The following CCSER1 variants were observed in gnomAD, a reference collection of about 807,000 sequenced individuals.
CCSER1 encodes serine-rich coiled-coil domain-containing protein 1.
CCSER1 carries 41 observed loss-of-function variants against 82.0 expected under a neutral mutation model. The ratio of observed to expected loss-of-function variants is 0.50; its 90% CI spans 0.39 to 0.65. CCSER1 has a LOEUF of 0.65. CCSER1 is among the 30% of genes least tolerant of loss of function. The pLI is 0.00. For missense variants in CCSER1, 1,119 were observed against 1,064.2 expected, an observed-to-expected ratio of 1.05 and a Z score of -0.72; for synonymous variants, 414 against 383.9, an observed-to-expected ratio of 1.08 and a Z score of -0.92.
intron 10 of CCSER1, among the ~76,000 whole-genome samples, chr4:91,095,851 G>A (rs1724457086): frequency 1.3e-5 from 2 of 151,892 alleles, no homozygotes; most frequent in African/African-American, 4.8e-5. Flanking sequence ...TCTGTTCCTG[G>A]CAGAACAATT....
At chr4:91,206,778 T>G (rs1415011898) in intron 10 of CCSER1, among the ~76,000 whole-genome samples, 1 of 151,978 alleles carries the variant, frequency 6.6e-6, no homozygotes, top group South Asian at 2.1e-4. Flanking sequence ...CTGTCCTGTT[T>G]CACAAGAGAT....
intron 3 of CCSER1, among the ~76,000 whole-genome samples, chr4:90,391,467 T>TACACACACACACAGTGGGTAA (rs1751073184): frequency 2.2e-5 from 2 of 89,860 alleles, no homozygotes; most frequent in African/African-American, 1.3e-4. Context: ...TATATATATA[T>TACACACACACACAGTGGGTAA]ATATATATAT....
At chr4:91,411,383 G>C (rs1753009189) in intron 10 of CCSER1, among the ~76,000 whole-genome samples, 1 of 149,934 alleles carries the variant, frequency 6.7e-6, no homozygotes, top group Admixed American at 6.7e-5. Flanking sequence ...CTGTTGCTCA[G>C]TATTTCTAAC....
At chr4:90,583,125 C>T (rs1385825027) in intron 5 of CCSER1, among the ~76,000 whole-genome samples, 1 of 152,034 alleles carries the variant, frequency 6.6e-6, no homozygotes, top group Non-Finnish European at 1.5e-5. Context: ...TTTGTGAGTC[C>T]GTTAATTATA....
At chr4:90,595,333 C>T (rs1209427329) in intron 5 of CCSER1, among the ~76,000 whole-genome samples, 2 of 151,818 alleles carry the variant, frequency 1.3e-5, no homozygotes, top group Admixed American at 6.6e-5. Context: ...CTAATAAGAA[C>T]GTTTAGTGTT....
chr4:90,844,284 C>T (rs1299368621), intron 8 of CCSER1, among the ~76,000 whole-genome samples: 18 of 151,974 alleles, frequency 1.2e-4, no homozygotes, highest in Admixed American at 1.2e-3. Flanking sequence ...CTTCAGAGTT[C>T]TTAAATTATA....
chr4:90,481,279 A>G (rs1180423006), intron 5 of CCSER1, among the ~76,000 whole-genome samples: 3 of 152,256 alleles, frequency 2.0e-5, no homozygotes, highest in East Asian at 3.9e-4. Context: ...GGCTGAGACA[A>G]TGGGGTTTTC....
chr4:91,539,069 GC>G (rs1761453370), intron 10 of CCSER1, among the ~76,000 whole-genome samples: 1 of 151,814 alleles, frequency 6.6e-6, no homozygotes, highest in Non-Finnish European at 1.5e-5. Flanking sequence ...TCTCACTTTT[GC>G]CTTCTCTAGA....
chr4:91,074,862 A>G (rs538763895), intron 9 of CCSER1, among the ~76,000 whole-genome samples: 2 of 152,324 alleles, frequency 1.3e-5, no homozygotes, highest in East Asian at 1.9e-4. Context: ...AAAAACTGTC[A>G]CAACGAAATC....
chr4:91,147,364 C>A (rs1406365583), intron 10 of CCSER1, among the ~76,000 whole-genome samples: 2 of 152,218 alleles, frequency 1.3e-5, no homozygotes, highest in Admixed American at 6.5e-5. Context: ...TTTCCACAGA[C>A]TTCTCTTGCC....
chr4:90,354,464 AAAGT>A (rs1326896245), intron 3 of CCSER1, among the ~76,000 whole-genome samples: 2 of 152,134 alleles, frequency 1.3e-5, no homozygotes, highest in Non-Finnish European at 2.9e-5. Flanking sequence ...ATTTCCTAAG[AAAGT>A]ATGTCTTAAG....
intron 9 of CCSER1, among the ~76,000 whole-genome samples, chr4:90,943,331 A>G (rs1257406034): frequency 6.6e-6 from 1 of 152,206 alleles, no homozygotes; most frequent in Non-Finnish European, 1.5e-5. Flanking sequence ...TTATATTTCT[A>G]GTACAATTTT....
intron 10 of CCSER1, among the ~76,000 whole-genome samples, chr4:91,172,283 A>C (rs966354721): frequency 1.3e-5 from 2 of 152,190 alleles, no homozygotes; most frequent in South Asian, 2.1e-4. Flanking sequence ...GTTAAAAGAA[A>C]TTTTGTTCAA....
chr4:91,333,300 A>C (rs771726742), intron 10 of CCSER1, among the ~76,000 whole-genome samples: 20 of 152,036 alleles, frequency 1.3e-4, no homozygotes, highest in Non-Finnish European at 2.8e-4. Flanking sequence ...TCAAAACTGA[A>C]ATGTAAGTTG....
intron 6 of CCSER1, among the ~76,000 whole-genome samples, chr4:90,715,138 G>A (rs1232172565): frequency 6.6e-6 from 1 of 151,924 alleles, no homozygotes; most frequent in Non-Finnish European, 1.5e-5. Flanking sequence ...TTCACCAAAA[G>A]CAAAGAACTT....
intron 5 of CCSER1, among the ~76,000 whole-genome samples, chr4:90,488,551 T>C (rs1323846821): frequency 6.6e-6 from 1 of 152,152 alleles, no homozygotes; most frequent in Non-Finnish European, 1.5e-5. Flanking sequence ...ATAATATGTA[T>C]TAATAAAAGC....
chr4:90,376,071 G>GA (rs933328591), intron 3 of CCSER1, among the ~76,000 whole-genome samples: 1 of 152,002 alleles, frequency 6.6e-6, no homozygotes, highest in Non-Finnish European at 1.5e-5. Context: ...CCTCTCTTCT[G>GA]AAAACACAGT....
intron 10 of CCSER1, among the ~76,000 whole-genome samples, chr4:91,100,698 T>A (rs2148849417): frequency 6.6e-6 from 1 of 152,340 alleles, no homozygotes; most frequent in East Asian, 1.9e-4. Flanking sequence ...TTGAAGGCAG[T>A]GCTTAAGGAC....
chr4:91,045,677 A>C (rs1742391557), intron 9 of CCSER1, among the ~76,000 whole-genome samples: 1 of 152,148 alleles, frequency 6.6e-6, no homozygotes, highest in Non-Finnish European at 1.5e-5. Context: ...TGATAGATAT[A>C]ATTCTTTTTA....
Sources: gnomAD v4.1 joint callset for allele counts (sites outside exome capture counted in the v4.1 genomes callset) on GRCh38, gnomAD v4.1.1 for gene constraint, MANE v1.5 for transcripts, NCBI Gene and HGNC (gene_info 2026-07-23, HGNC 2026-07-21) for gene names.